Variants in HEMK2 observed in about 807,000 individuals in gnomAD.
The protein encoded by HEMK2 is HemK methyltransferase 2, ETF1 glutamine and histone H4 lysine.
chr21:28,841,061 TA>T, the HEMK2 span, among the ~76,000 whole-genome samples: 4,292 of 70,084 alleles, frequency 0.061, 479 homozygotes, highest in Middle Eastern at 0.08. Flanking sequence ...ATATTATATA[TA>T]AATAAATATT....
At chr21:28,623,422 G>C in the HEMK2 span, among the ~76,000 whole-genome samples, 80 of 152,314 alleles carry the variant, frequency 5.3e-4, no homozygotes, top group Admixed American at 1.8e-3. Flanking sequence ...GGAAGACAGT[G>C]TGACAATTCC....
chr21:28,591,446 C>A, the HEMK2 span, among the ~76,000 whole-genome samples: 2,206 of 152,034 alleles, frequency 0.015, 57 homozygotes, highest in African/African-American at 0.05. Context: ...GAATTTTGCA[C>A]GTCAAGTGAG....
chr21:28,701,801 T>A, the HEMK2 span, among the ~76,000 whole-genome samples: 1 of 152,020 alleles, frequency 6.6e-6, no homozygotes, highest in African/African-American at 2.4e-5. Context: ...AAACTACCAA[T>A]GACATTCTTC....
chr21:28,673,227 A>T, the HEMK2 span, among the ~76,000 whole-genome samples: 2 of 152,048 alleles, frequency 1.3e-5, no homozygotes, highest in African/African-American at 4.8e-5. Context: ...TGAAAGGGGG[A>T]AGAAAGAAAG....
chr21:28,738,783 A>T, the HEMK2 span, among the ~76,000 whole-genome samples: 1 of 152,258 alleles, frequency 6.6e-6, no homozygotes, highest in African/African-American at 2.4e-5. Context: ...TCCTATAATA[A>T]TACAAAAACT....
chr21:28,577,006 C>T, the HEMK2 span, among the ~76,000 whole-genome samples: 7 of 152,226 alleles, frequency 4.6e-5, no homozygotes, highest in South Asian at 2.1e-4. Flanking sequence ...CCACTGCGCC[C>T]AGCCCTAGCT....
the HEMK2 span, chr21:28,875,532 G>GGCAGAGCAGCTT: frequency 7.5e-4 from 118 of 157,994 alleles, no homozygotes; most frequent in African/African-American, 2.8e-3. Flanking sequence ...TGACCCAAGT[G>GGCAGAGCAGCTT]GCAGAGCAGC....
chr21:28,764,430 T>C, the HEMK2 span, among the ~76,000 whole-genome samples: 3 of 151,888 alleles, frequency 2.0e-5, no homozygotes, highest in Non-Finnish European at 1.5e-5. Context: ...CAAAAGAAGA[T>C]GATAACAAGA....
chr21:28,851,607 C>T, the HEMK2 span, among the ~76,000 whole-genome samples: 1 of 152,138 alleles, frequency 6.6e-6, no homozygotes, highest in African/African-American at 2.4e-5. Context: ...GTAGAAAGTC[C>T]CTAAATTTTA....
At chr21:28,831,469 A>AAGAG in the HEMK2 span, among the ~76,000 whole-genome samples, 17 of 34,104 alleles carry the variant, frequency 5.0e-4, no homozygotes, top group Non-Finnish European at 8.0e-4. Flanking sequence ...GAACGAAAGA[A>AAGAG]AGAAAGAAAG....
chr21:28,858,015 T>C, the HEMK2 span, among the ~76,000 whole-genome samples: 1 of 152,200 alleles, frequency 6.6e-6, no homozygotes, highest in Non-Finnish European at 1.5e-5. Flanking sequence ...AATCCTACAA[T>C]AAAGATCTTC....
the HEMK2 span, among the ~76,000 whole-genome samples, chr21:28,855,024 T>G: frequency 0.025 from 3,740 of 152,200 alleles, 74 homozygotes; most frequent in Non-Finnish European, 0.038. Context: ...AACACCAACC[T>G]TGAATGTAAA....
chr21:28,699,594 T>C, the HEMK2 span, among the ~76,000 whole-genome samples: 1 of 152,336 alleles, frequency 6.6e-6, no homozygotes, highest in South Asian at 2.1e-4. Flanking sequence ...AAAATAAAAT[T>C]GCATTCACTG....
chr21:28,835,261 C>A, the HEMK2 span, among the ~76,000 whole-genome samples: 1 of 152,132 alleles, frequency 6.6e-6, no homozygotes, highest in Non-Finnish European at 1.5e-5. Flanking sequence ...CCCCCTCCAC[C>A]AGAACAGGCA....
the HEMK2 span, among the ~76,000 whole-genome samples, chr21:28,726,863 C>T: frequency 6.1e-5 from 7 of 115,112 alleles, no homozygotes; most frequent in African/African-American, 2.1e-4. Flanking sequence ...AGAGTAGGAC[C>T]CTATCTAAAA....
At chr21:28,795,643 G>T in the HEMK2 span, among the ~76,000 whole-genome samples, 1 of 152,284 alleles carries the variant, frequency 6.6e-6, no homozygotes, top group East Asian at 1.9e-4. Context: ...AGAAGTATTT[G>T]CCATTTCCAT....
the HEMK2 span, among the ~76,000 whole-genome samples, chr21:28,707,021 T>A: frequency 2.0e-5 from 3 of 152,156 alleles, no homozygotes; most frequent in African/African-American, 7.2e-5. Context: ...GTCTAGCAGT[T>A]CTCAAACTTT....
chr21:28,761,791 T>C, the HEMK2 span, among the ~76,000 whole-genome samples: 1 of 151,982 alleles, frequency 6.6e-6, no homozygotes. Flanking sequence ...GTTGAATAAA[T>C]GATGAGGCAT....
At chr21:28,760,548 T>C in the HEMK2 span, among the ~76,000 whole-genome samples, 1 of 152,212 alleles carries the variant, frequency 6.6e-6, no homozygotes, top group Non-Finnish European at 1.5e-5. Context: ...TTGTAAATTG[T>C]TTTGACTGTA....
Sources: allele counts gnomAD v4.1 joint callset (sites outside exome capture counted in the v4.1 genomes callset), GRCh38; gene constraint gnomAD v4.1.1; transcripts MANE v1.5; gene names NCBI Gene and HGNC (gene_info 2026-07-23, HGNC 2026-07-21).